NAV3: variants seen among roughly 807,000 people sequenced by gnomAD.
The protein encoded by NAV3 is pore membrane and/or filament interacting like protein 1.
A neutral mutation model predicts 244.7 loss-of-function variants in NAV3; 87 were observed. The observed-to-expected ratio is 0.36, with a 90% CI of 0.30 to 0.42. NAV3 has a LOEUF of 0.42. NAV3 is among the 20% of genes least tolerant of loss of function. The pLI is 1.00. For synonymous variants in NAV3, 1,126 were observed against 1,042.2 expected (o/e 1.08, Z -1.55); for missense variants, 2,663 against 2,893.3 (o/e 0.92, Z 1.83).
At chr12:77,979,136 AG>A (rs1869055908) in intron 5 of NAV3, among the ~76,000 whole-genome samples, 2 of 151,434 alleles carry the variant, frequency 1.3e-5, no homozygotes, top group Admixed American at 6.6e-5. Flanking sequence ...GAACTTTGAG[AG>A]GCCAAGGCAG....
chr12:78,171,621 A>G (rs188822586), intron 24 of NAV3, among the ~76,000 whole-genome samples: 4 of 151,746 alleles, frequency 2.6e-5, no homozygotes, highest in African/African-American at 9.6e-5. Context: ...ATTAAATTTA[A>G]TGAACACAAA....
chr12:77,959,912 C>CAAAAAAAA (rs57550714), intron 3 of NAV3, among the ~76,000 whole-genome samples: 2 of 64,686 alleles, frequency 3.1e-5, no homozygotes, highest in African/African-American at 6.2e-5. Flanking sequence ...CCTGACCCGA[C>CAAAAAAAA]AAAAAAAAAA....
Position 78,188,617 on chromosome 12 carries a change from A to G in NAV3, c.5895A>G (p.Val1965=). ...TGTGTGTACCATTGTAGGAATATGTATTCCGAATTGATACATCCACTAGCC... is the reference window on the plus strand; with the variant it reads ...TGTGTGTACCATTGTAGGAATATGTGTTCCGAATTGATACATCCACTAGCC... ...GVIRRLFKEY[V]FRIDTSTSLG... The change falls in exon 33 of 40, where the codon GTA becomes GTG. Residue 1965 remains valine (V), a synonymous_variant. Coordinates refer to ENST00000397909, the MANE Select transcript of NAV3 (RefSeq NM_001024383.2). 6.2e-7 allele frequency: 1 copy of G among 1,610,762 alleles called. No individual in the cohort carries two copies.
Position 78,006,597 on chromosome 12 carries a change from A to C in NAV3, c.1059A>C (p.Ser353=). 6.2e-7 allele frequency: 1 copy of C among 1,614,104 alleles called. No individual in the cohort carries two copies. Residue 353 remains serine, a synonymous_variant, in exon 8 of 40, where the codon TCA becomes TCC. Transcript: ENST00000397909. ...CCACCATGTTGACTGTAAAGCAGTC[A>C]AGTACAGCCACCTCCCCCACACCAT... The part of the protein sequence containing the change: ...ATSTMLTVKQ[S]STATSPTPSS...
At chr12:78,168,049 CTTTG>C (rs1957851560) in intron 23 of NAV3, among the ~76,000 whole-genome samples, 1 of 151,454 alleles carries the variant, frequency 6.6e-6, no homozygotes. Context: ...CTGTAAGCTG[CTTTG>C]TTTGTAATTT....
chr12:77,928,246 G>A (rs1447464985), intron 1 of NAV3, among the ~76,000 whole-genome samples: 31 of 134,468 alleles, frequency 2.3e-4, no homozygotes, highest in Non-Finnish European at 3.6e-4. Flanking sequence ...AAAAAAAAGA[G>A]AGAGAGGGAA....
intron 2 of NAV3, among the ~76,000 whole-genome samples, chr12:77,799,264 G>T (rs182068526): frequency 4.8e-3 from 726 of 152,240 alleles, no homozygotes; most frequent in Non-Finnish European, 8.5e-3. Flanking sequence ...ACTTATTGGG[G>T]TTCTTTATTG....
rs1243959316 is a variant in NAV3, at chr12:78,196,866, T to C, written c.6292-381T>C. On this transcript the variant is annotated intron_variant, in intron 34 of 39. Coordinates refer to ENST00000397909, the MANE Select transcript of NAV3 (RefSeq NM_001024383.2). ...AGGTTGCTAAAATTTACTTTTATCA[T>C]TGAATACCAAAACTCAGAATAAAAT... Among the ~76,000 whole-genome samples the C allele has an allele frequency of 2.6e-5, 4 of 151,970 alleles. No individual in the cohort carries two copies. The South Asian group carries it at 8.3e-4, about 31-fold the overall frequency.
chr12:78,135,694 C>A (rs1956343910), intron 18 of NAV3, among the ~76,000 whole-genome samples: 1 of 152,138 alleles, frequency 6.6e-6, no homozygotes. Flanking sequence ...CATTTTAAGT[C>A]TTCAATGTCC....
chr12:77,839,426 TCTCTGACTTTTGGAAAA>T (rs1192504529), intron 1 of NAV3, among the ~76,000 whole-genome samples: 4 of 152,352 alleles, frequency 2.6e-5, no homozygotes, highest in South Asian at 2.1e-4. Context: ...CTTTTTTTGA[TCTCTGACTTTTGGAAAA>T]CTCTGACTTT....
chr12:78,018,110 A>C (rs2136753970), intron 8 of NAV3, among the ~76,000 whole-genome samples: 1 of 152,264 alleles, frequency 6.6e-6, no homozygotes. Flanking sequence ...ATTAATGCTA[A>C]GTTAGATCAC....
At chr12:77,935,439 A>G (rs1248115972) in intron 1 of NAV3, among the ~76,000 whole-genome samples, 1 of 152,284 alleles carries the variant, frequency 6.6e-6, no homozygotes, top group Admixed American at 6.5e-5. Flanking sequence ...ACTTCCTGCA[A>G]TTTTCCTTAA....
intron 1 of NAV3, among the ~76,000 whole-genome samples, chr12:77,884,324 G>T (rs982064815): frequency 1.3e-5 from 2 of 152,054 alleles, no homozygotes; most frequent in Non-Finnish European, 2.9e-5. Flanking sequence ...TATATCCTGG[G>T]AATTCTCTCA....
At chr12:78,127,848 T>TC (rs1555175223) in intron 17 of NAV3, among the ~76,000 whole-genome samples, 8,081 of 151,684 alleles carry the variant, frequency 0.053, 269 homozygotes, top group Non-Finnish European at 0.072. Flanking sequence ...ATTAATCTAA[T>TC]ATTTAATAAT....
At chr12:78,052,701 A>T (rs1882936881) in intron 11 of NAV3, among the ~76,000 whole-genome samples, 1 of 151,486 alleles carries the variant, frequency 6.6e-6, no homozygotes, top group African/African-American at 2.4e-5. Flanking sequence ...GGCAATGCCC[A>T]GTTCAGAAAA....
intron 7 of NAV3, among the ~76,000 whole-genome samples, chr12:77,998,711 T>C (rs1178923857): frequency 6.6e-6 from 1 of 152,222 alleles, no homozygotes; most frequent in African/African-American, 2.4e-5. Flanking sequence ...GTACAAATAC[T>C]GTTTCTCAAA....
chr12:78,200,840 T>A (rs1202644461), intron 38 of NAV3, among the ~76,000 whole-genome samples: 1 of 151,980 alleles, frequency 6.6e-6, no homozygotes, highest in Non-Finnish European at 1.5e-5. Flanking sequence ...ATGGTTGTCA[T>A]GGATGTTTAC....
At chr12:78,197,220 G>C (rs200694819) in intron 34 of NAV3, 27 bp from the exon 35 acceptor site, 2 of 1,484,126 alleles carry the variant, frequency 1.3e-6, no homozygotes, top group East Asian at 2.5e-5. Flanking sequence ...TATCACTGAC[G>C]TATCTGTTTT....
At chr12:78,028,270 T>C (rs11107917) in intron 9 of NAV3, among the ~76,000 whole-genome samples, 11,319 of 152,198 alleles carry the variant, frequency 0.074, 721 homozygotes, top group East Asian at 0.29. Flanking sequence ...TAAGCAAAGA[T>C]CTTTCACAAT....
Sources: gnomAD v4.1 joint callset for allele counts (sites outside exome capture counted in the v4.1 genomes callset) on GRCh38, gnomAD v4.1.1 for gene constraint, MANE v1.5 for transcripts, NCBI Gene and HGNC (gene_info 2026-07-23, HGNC 2026-07-21) for gene names.